DPP10: variants seen among roughly 807,000 people sequenced by gnomAD.
The protein encoded by DPP10 is dipeptidyl peptidase like 10, also known as inactive dipeptidyl peptidase 10.
Under a neutral mutation model 120.9 loss-of-function variants are expected in DPP10, and 33 were observed. The observed-to-expected ratio is 0.27, with a 90% confidence interval of 0.21 to 0.37. DPP10 has a LOEUF of 0.37. Ranked by LOEUF, DPP10 falls within the 10% of genes least tolerant of loss-of-function variation. DPP10 has a pLI of 1.00. For missense variants in DPP10, 816 were observed against 942.8 expected, an observed-to-expected ratio of 0.87 and a Z score of 1.76; for synonymous variants, 337 against 326.1, an observed-to-expected ratio of 1.03 and a Z score of -0.36.
At chr2:115,524,239 G>T (rs1900750) in intron 4 of DPP10, among the ~76,000 whole-genome samples, 1 of 152,062 alleles carries the variant, frequency 6.6e-6, no homozygotes, top group East Asian at 1.9e-4. Flanking sequence ...GCCAGTCCCT[G>T]GTCCCAATGG....
intron 1 of DPP10, among the ~76,000 whole-genome samples, chr2:114,980,991 A>AT (rs10670062): frequency 0.027 from 3,854 of 145,108 alleles, 97 homozygotes; most frequent in African/African-American, 0.062. Flanking sequence ...ATGTTGTGTC[A>AT]TTTTTTTTTT....
chr2:114,888,968 G>T (rs2106630673), intron 1 of DPP10, among the ~76,000 whole-genome samples: 1 of 152,296 alleles, frequency 6.6e-6, no homozygotes, highest in African/African-American at 2.4e-5. Context: ...TGTATTTGAA[G>T]ATCTGGTCTT....
At chr2:114,917,194 A>G (rs960220067) in intron 1 of DPP10, among the ~76,000 whole-genome samples, 5 of 152,186 alleles carry the variant, frequency 3.3e-5, no homozygotes, top group Admixed American at 2.6e-4. Context: ...CTGACAGCCA[A>G]ATTAAGAACC....
intron 5 of DPP10, among the ~76,000 whole-genome samples, chr2:115,633,673 C>T (rs1442221876): frequency 1.3e-5 from 2 of 152,158 alleles, no homozygotes; most frequent in Non-Finnish European, 1.5e-5. Flanking sequence ...ACAGGCTTCC[C>T]TTTATAGGTG....
At chr2:115,012,675 C>T (rs1421139739) in intron 1 of DPP10, among the ~76,000 whole-genome samples, 2 of 152,180 alleles carry the variant, frequency 1.3e-5, no homozygotes, top group African/African-American at 2.4e-5. Context: ...GGACAGAAGA[C>T]TGAACGGCAG....
intron 1 of DPP10, among the ~76,000 whole-genome samples, chr2:115,041,223 C>T (rs1704620496): frequency 6.6e-6 from 1 of 152,054 alleles, no homozygotes; most frequent in South Asian, 2.1e-4. Flanking sequence ...TATAAATTAC[C>T]CAGTCTCGGG....
At chr2:114,467,438 G>C (rs1348637548) in intron 1 of DPP10, among the ~76,000 whole-genome samples, 3 of 152,122 alleles carry the variant, frequency 2.0e-5, no homozygotes, top group Non-Finnish European at 4.4e-5. Context: ...GCTTCTAAAT[G>C]TTGACAACAA....
chr2:114,966,033 C>T (rs1699010864), intron 1 of DPP10, among the ~76,000 whole-genome samples: 2 of 139,836 alleles, frequency 1.4e-5, no homozygotes, highest in African/African-American at 5.3e-5. Flanking sequence ...GCAAAGAAAA[C>T]CAACATGGGA....
intron 1 of DPP10, among the ~76,000 whole-genome samples, chr2:114,887,469 A>G (rs1365731717): frequency 6.6e-6 from 1 of 152,142 alleles, no homozygotes; most frequent in East Asian, 1.9e-4. Context: ...TTAATTTACA[A>G]CTCCTTAAAA....
chr2:114,548,525 G>C (rs1024746910), intron 1 of DPP10, among the ~76,000 whole-genome samples: 5 of 152,168 alleles, frequency 3.3e-5, no homozygotes, highest in Admixed American at 6.5e-5. Context: ...GGATTGGAGA[G>C]ATATCTAGAA....
At chr2:114,497,293 A>G in intron 1 of DPP10, among the ~76,000 whole-genome samples, 1 of 50,360 alleles carries the variant, frequency 2.0e-5, no homozygotes, top group East Asian at 2.8e-4. Context: ...GTATACATGT[A>G]CATGTATACG....
At chr2:115,643,606 A>G (rs1014695081) in intron 5 of DPP10, among the ~76,000 whole-genome samples, 1 of 152,226 alleles carries the variant, frequency 6.6e-6, no homozygotes, top group Non-Finnish European at 1.5e-5. Flanking sequence ...ACAGAGTTAT[A>G]TTCCAAGGCC....
intron 1 of DPP10, among the ~76,000 whole-genome samples, chr2:114,943,434 C>A (rs1697114431): frequency 6.6e-6 from 1 of 152,050 alleles, no homozygotes; most frequent in Non-Finnish European, 1.5e-5. Context: ...CCACCACGCC[C>A]AGCTAATTTT....
At chr2:115,511,236 G>C (rs1024834012) in intron 4 of DPP10, among the ~76,000 whole-genome samples, 3 of 152,028 alleles carry the variant, frequency 2.0e-5, no homozygotes, top group African/African-American at 7.2e-5. Flanking sequence ...TTCACAGGAA[G>C]TTTTAAATTT....
chr2:115,413,897 A>G (rs1034241110), intron 3 of DPP10, among the ~76,000 whole-genome samples: 1 of 137,948 alleles, frequency 7.2e-6, no homozygotes, highest in East Asian at 2.0e-4. Flanking sequence ...AGGCAATTCT[A>G]CACCTTCTCT....
intron 2 of DPP10, among the ~76,000 whole-genome samples, chr2:115,311,325 T>C (rs1266469988): frequency 1.3e-5 from 2 of 152,194 alleles, no homozygotes; most frequent in Non-Finnish European, 2.9e-5. Context: ...TTTAGCATGC[T>C]GCCTAGCACT....
intron 5 of DPP10, among the ~76,000 whole-genome samples, chr2:115,643,529 AAAGG>A (rs2149355670): frequency 6.6e-6 from 1 of 152,336 alleles, no homozygotes; most frequent in African/African-American, 2.4e-5. Context: ...GATTAAAACA[AAAGG>A]TTAGGTGTCT....
chr2:115,165,139 A>G (rs1200260460), intron 1 of DPP10, among the ~76,000 whole-genome samples: 1 of 152,252 alleles, frequency 6.6e-6, no homozygotes, highest in African/African-American at 2.4e-5. Context: ...ATTTTTAAAA[A>G]TCACTTCCTG....
At chr2:114,716,454 T>A (rs1296954527) in intron 1 of DPP10, among the ~76,000 whole-genome samples, 1 of 152,170 alleles carries the variant, frequency 6.6e-6, no homozygotes, top group Non-Finnish European at 1.5e-5. Context: ...CTATAGCATC[T>A]TTTTTTATCC....
Sources: allele counts gnomAD v4.1 joint callset (sites outside exome capture counted in the v4.1 genomes callset), GRCh38; gene constraint gnomAD v4.1.1; transcripts MANE v1.5; gene names NCBI Gene and HGNC (gene_info 2026-07-23, HGNC 2026-07-21).